The following RPS6KB1 variants were observed in gnomAD, a reference collection of about 807,000 sequenced individuals.
RPS6KB1 encodes ribosomal protein S6 kinase B1.
RPS6KB1 carries 12 observed loss-of-function variants against 70.2 expected under a neutral mutation model. The ratio of observed to expected loss-of-function variants is 0.17; its 90% CI spans 0.11 to 0.28. The LOEUF is 0.28. RPS6KB1 is among the 10% of genes least tolerant of loss of function. The probability of loss-of-function intolerance (pLI) is 1.00; values close to 1 mark genes in which losing one functional copy is unlikely to be tolerated. For synonymous variants in RPS6KB1, 175 were observed against 211.2 expected, an observed-to-expected ratio of 0.83 and a Z score of 1.49; for missense variants, 270 against 646.6, an observed-to-expected ratio of 0.42 and a Z score of 6.32.
At chr17:59,941,877 GAGA>G (rs1326636895) in intron 13 of RPS6KB1, among the ~76,000 whole-genome samples, 1 of 64,638 alleles carries the variant, frequency 1.5e-5, no homozygotes. Context: ...TTTTTTTTTT[GAGA>G]AGGAGTCTCG....
At chr17:59,910,016 A>AAT (rs555371435) in intron 1 of RPS6KB1, among the ~76,000 whole-genome samples, 2,293 of 150,552 alleles carry the variant, frequency 0.015, 70 homozygotes, top group African/African-American at 0.053. Context: ...CATCTCAAAA[A>AAT]ATATATATAT....
At position 59,946,311 on chromosome 17, in the gene RPS6KB1, A is replaced by G. The variant is rs2044922173; in HGVS notation, c.1341-240A>G. Among the ~76,000 whole-genome samples the G allele has an allele frequency of 6.6e-6, 1 of 152,184 alleles. No homozygotes were observed. On this transcript the variant is annotated intron_variant, in intron 14 of 14. Coordinates refer to ENST00000225577, the MANE Select transcript of RPS6KB1 (RefSeq NM_003161.4). This position sits in a 1 kb window ranked among gnomAD's most constrained non-coding sequence, Gnocchi z 4.2. Reference sequence around the variant, plus strand: ...ATATAATACGCATTTAAATGTATATATATCTCATTGAGGGTTTTGGGGGTC... The same window carrying G: ...ATATAATACGCATTTAAATGTATATGTATCTCATTGAGGGTTTTGGGGGTC...
Position 59,934,377 on chromosome 17 carries a change from A to T in RPS6KB1, c.780-57A>T. ...CTCTGTATATTGTTTTTAAAATTCT[A>T]ATTCAGATGATATGCAAATGGGTGA... On this transcript the variant is annotated intron_variant, in intron 8 of 14. Coordinates refer to ENST00000225577, the MANE Select transcript of RPS6KB1 (RefSeq NM_003161.4). The surrounding 1 kb of genome is among the most constrained non-coding windows in gnomAD (Gnocchi z 4.8). 1 of 1,521,272 alleles carries T rather than the reference A, an allele frequency of 6.6e-7. No individual in the cohort carries two copies. Among genetic ancestry groups the T allele is most frequent in the South Asian group, 1.1e-5 (1 of 88,892 alleles). The allele number at this position is 1,521,272 out of a possible 1,614,324, so 94.2% of individuals were successfully genotyped here.
chr17:59,903,304 C>CA lies in RPS6KB1; in HGVS notation c.142-7246dup, dbSNP rs1205673573. On this transcript the variant is annotated intron_variant, in intron 1 of 14. Transcript: ENST00000225577. ...TGGGCAACAGAGTGAGACTCTGTCT[C>CA]AAAAAAAAAAAAGAAAAAAAAAGAG... Among the ~76,000 whole-genome samples the CA allele has an allele frequency of 8.1e-3, 949 of 117,600 alleles. 5 individuals are homozygous for CA. Among genetic ancestry groups the CA allele is most frequent in the Admixed American group, 0.017 (187 of 11,182 alleles). The allele number at this position is 117,600 out of a possible 152,430, so 77.2% of individuals were successfully genotyped here.
intron 5 of RPS6KB1, among the ~76,000 whole-genome samples, chr17:59,926,845 C>A (rs1031002481): frequency 6.6e-6 from 1 of 151,972 alleles, no homozygotes; most frequent in African/African-American, 2.4e-5. Flanking sequence ...AAAACGAATA[C>A]CTAAGTGATG....
At chr17:59,909,088 G>A (rs1341327209) in intron 1 of RPS6KB1, among the ~76,000 whole-genome samples, 1 of 150,272 alleles carries the variant, frequency 6.7e-6, no homozygotes, top group South Asian at 2.1e-4. Flanking sequence ...CACCACGGCC[G>A]ACTAATTTTG....
intron 1 of RPS6KB1, among the ~76,000 whole-genome samples, chr17:59,908,349 C>T (rs528781604): frequency 1.3e-5 from 2 of 151,664 alleles, no homozygotes; most frequent in Non-Finnish European, 2.9e-5. Flanking sequence ...CCCACCACCA[C>T]GCCTGGCTAA....
At position 59,893,933 on chromosome 17, in the gene RPS6KB1, G is replaced by C; in HGVS notation, c.141+608G>C. 5.1e-6 allele frequency: 5 copies of C among 973,682 alleles called. No homozygotes were observed. The highest frequency in any genetic ancestry group is 6.1e-6 in the Non-Finnish European group (5 of 826,378). 60.3% of individuals were successfully genotyped at this position (973,682 alleles called of 1,614,324 possible). On this transcript the variant is annotated intron_variant, in intron 1 of 14. Transcript: ENST00000225577. This position sits in a 1 kb window ranked among gnomAD's most constrained non-coding sequence, Gnocchi z 4.1. ...TCTTCCAATCTTCCAGGGTTTGTTT[G>C]TTTGCTTTTTTTTTTTTACCCCCTT...
chr17:59,921,210 C>G (rs2043247460), intron 4 of RPS6KB1, among the ~76,000 whole-genome samples: 2 of 152,126 alleles, frequency 1.3e-5, no homozygotes, highest in Admixed American at 1.3e-4. Flanking sequence ...TGCTAAGTGT[C>G]AGGCCTCATT....
intron 4 of RPS6KB1, among the ~76,000 whole-genome samples, chr17:59,924,347 C>T (rs1406970803): frequency 3.3e-5 from 5 of 151,908 alleles, no homozygotes; most frequent in Non-Finnish European, 5.9e-5. Flanking sequence ...AAATCTTTTT[C>T]TCCTATATCT....
chr17:59,929,134 G>GT lies in RPS6KB1; in HGVS notation c.530-969dup, dbSNP rs768166469. 5.0e-3 allele frequency among the ~76,000 whole-genome samples: 697 copies of GT among 140,222 alleles called. 2 individuals carry two copies. The highest frequency in any genetic ancestry group is 7.4e-3 in the Middle Eastern group (2 of 272). 92.0% of individuals were successfully genotyped at this position (140,222 alleles called of 152,430 possible). A position where few individuals can be genotyped will look rare whatever the true frequency, so the allele number is the denominator to read the frequency against. On this transcript the variant is annotated intron_variant, in intron 5 of 14. Coordinates refer to ENST00000225577, the MANE Select transcript of RPS6KB1 (RefSeq NM_003161.4). ...TCAAGCTCTCATGTTCAGTTTTGTT[G>GT]TTTTTTTTTTTTTTGAGACGGAATC...
chr17:59,896,229 A>G (rs986678284), intron 1 of RPS6KB1, among the ~76,000 whole-genome samples: 5 of 150,794 alleles, frequency 3.3e-5, no homozygotes, highest in Non-Finnish European at 5.9e-5. Context: ...GTCTTGCTCT[A>G]TTTGCCCAGG....
chr17:59,914,759 C>A, intron 4 of RPS6KB1, 56 bp downstream of exon 4: 1 of 1,234,966 alleles, frequency 8.1e-7, no homozygotes, highest in Non-Finnish European at 1.2e-6. Context: ...CACTTGATCT[C>A]AGCCAAAAGG....
intron 13 of RPS6KB1, among the ~76,000 whole-genome samples, chr17:59,941,305 A>G (rs1234401186): frequency 6.7e-6 from 1 of 149,374 alleles, no homozygotes; most frequent in East Asian, 2.0e-4. Context: ...TGAAACAGCT[A>G]TAGATTTTTG....
At chr17:59,930,564 G>A (rs191986233) in intron 6 of RPS6KB1, 28 of 165,406 alleles carry the variant, frequency 1.7e-4, no homozygotes, top group African/African-American at 3.1e-4. Flanking sequence ...TCTTAGGGAG[G>A]TGATAAACCT....
At chr17:59,941,694 C>T (rs1235311478) in intron 13 of RPS6KB1, among the ~76,000 whole-genome samples, 6 of 146,454 alleles carry the variant, frequency 4.1e-5, no homozygotes, top group South Asian at 4.3e-4. Context: ...AGTGCAGTGG[C>T]GCGATCTCAG....
At chr17:59,913,585 T>C (rs996920439) in intron 3 of RPS6KB1, among the ~76,000 whole-genome samples, 7 of 152,224 alleles carry the variant, frequency 4.6e-5, no homozygotes, top group African/African-American at 1.7e-4. Flanking sequence ...AAGGGAGAAC[T>C]GATTCCAAGA....
intron 1 of RPS6KB1, among the ~76,000 whole-genome samples, chr17:59,908,840 G>A (rs1313694639): frequency 7.3e-6 from 1 of 137,596 alleles, no homozygotes; most frequent in African/African-American, 2.8e-5. Context: ...GGATGGTCTC[G>A]ATTTCCTGAC....
chr17:59,894,477 G>C (rs189126299), intron 1 of RPS6KB1, among the ~76,000 whole-genome samples: 16 of 152,234 alleles, frequency 1.1e-4, no homozygotes, highest in Admixed American at 3.9e-4. Context: ...CCTTTCCCTT[G>C]CCTCACCCTC....
Sources: gnomAD v4.1 joint callset for allele counts (sites outside exome capture counted in the v4.1 genomes callset) on GRCh38, gnomAD v4.1.1 for gene constraint, Gnocchi (gnomAD v3.1) non-coding constraint, MANE v1.5 for transcripts, NCBI Gene and HGNC (gene_info 2026-07-23, HGNC 2026-07-21) for gene names.